Variants in CCDC62 observed in about 807,000 individuals in gnomAD.
The protein encoded by CCDC62 is coiled-coil domain-containing protein 62.
A neutral mutation model predicts 80.8 loss-of-function variants in CCDC62; 72 were observed. That is an observed-to-expected ratio of 0.89 (90% CI 0.74 to 1.08). The LOEUF (loss-of-function observed/expected upper bound fraction) is 1.08. Ranked by LOEUF, CCDC62 falls within the 50% of genes least tolerant of loss-of-function variation. The pLI is 0.00. For synonymous variants in CCDC62, 286 were observed against 296.5 expected, an observed-to-expected ratio of 0.96 and a Z score of 0.36; for missense variants, 704 against 809.4, an observed-to-expected ratio of 0.87 and a Z score of 1.58.
At chr12:122,814,021 C>A (rs990706322) in intron 11 of CCDC62, among the ~76,000 whole-genome samples, 1 of 151,650 alleles carries the variant, frequency 6.6e-6, no homozygotes, top group South Asian at 2.1e-4. Context: ...GTGGCTCATG[C>A]CTGTAATCCC....
At chr12:122,807,146 A>C (rs56765037) in intron 10 of CCDC62, among the ~76,000 whole-genome samples, 1 of 152,326 alleles carries the variant, frequency 6.6e-6, no homozygotes, top group East Asian at 1.9e-4. Context: ...AAGTGGAAGA[A>C]TTGCTTAAGC....
Position 122,827,352 on chromosome 12 carries a change from A to G in CCDC62, c.*971A>G, listed in dbSNP as rs188691888. Reference sequence around the variant, plus strand: ...TAAGCATTGCAGATATCAAAGTTCTATTGTGCTGAATAAATGCCCCTTTGT... The same window carrying G: ...TAAGCATTGCAGATATCAAAGTTCTGTTGTGCTGAATAAATGCCCCTTTGT... On this transcript the variant is annotated 3_prime_UTR_variant, in exon 13 of 13. Transcript: ENST00000253079. 4 of 152,268 alleles carry G rather than the reference A, an allele frequency of 2.6e-5. No homozygotes were observed. Among genetic ancestry groups the G allele is most frequent in the African/African-American group, 4.8e-5 (2 of 41,546 alleles). 9.4% of individuals were successfully genotyped at this position (152,268 alleles called of 1,614,324 possible). A position where few individuals can be genotyped will look rare whatever the true frequency, so the allele number is the denominator to read the frequency against.
chr12:122,820,061 C>CAAAAAAAAAAAAA (rs34620795), intron 11 of CCDC62, among the ~76,000 whole-genome samples: 1 of 58,118 alleles, frequency 1.7e-5, no homozygotes, highest in Non-Finnish European at 2.8e-5. Flanking sequence ...GATCCTGTCT[C>CAAAAAAAAAAAAA]AAAAAAAAAA....
chr12:122,787,430 G>T (rs1475708016), intron 4 of CCDC62, among the ~76,000 whole-genome samples: 1 of 140,726 alleles, frequency 7.1e-6, no homozygotes, highest in Non-Finnish European at 1.5e-5. Context: ...CAGCTTGGGC[G>T]ACAGAGCAAG....
chr12:122,806,053 CACTT>C, intron 9 of CCDC62, 94 bp from the exon 10 acceptor site: 1 of 1,108,120 alleles, frequency 9.0e-7, no homozygotes, highest in East Asian at 2.5e-5. Context: ...ATAACAAAAA[CACTT>C]ATTTGTCCTT....
At chr12:122,787,169 C>T (rs951203222) in intron 4 of CCDC62, among the ~76,000 whole-genome samples, 5 of 151,476 alleles carry the variant, frequency 3.3e-5, no homozygotes, top group South Asian at 2.1e-4. Flanking sequence ...TCCTGGAGGC[C>T]GGGTGCCGTG....
At chr12:122,806,428 C>G in intron 10 of CCDC62, 133 bp downstream of exon 10, 1 of 601,700 alleles carries the variant, frequency 1.7e-6, no homozygotes, top group Non-Finnish European at 2.7e-6. Flanking sequence ...TTTTTTAATT[C>G]TAGGATTTTA....
intron 6 of CCDC62, among the ~76,000 whole-genome samples, chr12:122,796,655 C>T (rs558831048): frequency 3.9e-5 from 6 of 151,998 alleles, no homozygotes; most frequent in Admixed American, 6.6e-5. Context: ...GCCAGGAGTT[C>T]GAGACCAACC....
Position 122,823,408 on chromosome 12 carries a change from G to A in CCDC62, c.2044G>A (p.Val682Ile), listed in dbSNP as rs964841938. The A allele has an allele frequency of 8.7e-6, 14 of 1,613,046 alleles. No individual in the cohort carries two copies. Among genetic ancestry groups the A allele is most frequent in the Non-Finnish European group, 1.1e-5 (13 of 1,179,178 alleles). The change falls in exon 12 of 13, where the codon GTC becomes ATC. Residue 682 changes from valine to isoleucine, a missense_variant. Physicochemically the swap from Val to Ile is conservative, Grantham distance 29. Transcript: ENST00000253079. The part of the protein sequence containing the change: ...PEESAQKNTF[V>I]SY ...AGAGTCAGCTCAAAAAAATACCTTTGTCAGTTATTGAAGGAAACAAAAGGC... is the reference window on the plus strand; with the variant it reads ...AGAGTCAGCTCAAAAAAATACCTTTATCAGTTATTGAAGGAAACAAAAGGC...
At chr12:122,821,217 T>C (rs973027794) in intron 11 of CCDC62, among the ~76,000 whole-genome samples, 3 of 152,194 alleles carry the variant, frequency 2.0e-5, no homozygotes, top group African/African-American at 7.2e-5. Flanking sequence ...CACTGAGGGC[T>C]CACTGGATCG....
chr12:122,810,632 A>G (rs1203059813), intron 10 of CCDC62, among the ~76,000 whole-genome samples: 2 of 152,324 alleles, frequency 1.3e-5, no homozygotes, highest in East Asian at 3.9e-4. Context: ...GGGATCTAGA[A>G]CTAGAAATAC....
chr12:122,774,715 C>G lies in CCDC62; in HGVS notation c.36+9C>G. 8.0e-7 allele frequency: 1 copy of G among 1,252,880 alleles called. No individual in the cohort carries two copies. Among genetic ancestry groups the G allele is most frequent in the South Asian group, 3.9e-5 (1 of 25,876 alleles). 77.6% of individuals were successfully genotyped at this position (1,252,880 alleles called of 1,614,324 possible). A position where few individuals can be genotyped will look rare whatever the true frequency, so the allele number is the denominator to read the frequency against. On this transcript the variant is annotated intron_variant, in intron 1 of 12. Coordinates refer to ENST00000253079, the MANE Select transcript of CCDC62 (RefSeq NM_201435.5). ...TCCTTGCCGGGCGCCAGGTAAGCAG[C>G]GGTTCCGGGCGCGGCGGGGCGCCGC...
Position 122,805,753 on chromosome 12 carries a change from G to A in CCDC62, c.1707-398G>A, listed in dbSNP as rs112785552. On this transcript the variant is annotated intron_variant, in intron 9 of 12. Transcript: ENST00000253079. ...TCTCGATTTCCTGACCTCCTGATCC[G>A]CCTGCCTCTGCCTCCCAAAGTGCTG... is the stretch of plus-strand genomic sequence containing the variant. Among the ~76,000 whole-genome samples, 258 of 151,838 alleles carry A rather than the reference G, an allele frequency of 1.7e-3. 1 individual carries two copies. Among genetic ancestry groups the A allele is most frequent in the African/African-American group, 5.9e-3 (243 of 41,422 alleles).
chr12:122,817,710 G>A (rs1413624167), intron 11 of CCDC62, among the ~76,000 whole-genome samples: 2 of 152,170 alleles, frequency 1.3e-5, no homozygotes, highest in Non-Finnish European at 2.9e-5. Flanking sequence ...CAACCTCTTT[G>A]TTAGGGTTTT....
chr12:122,780,352 G>A (rs893819253), intron 2 of CCDC62, among the ~76,000 whole-genome samples: 2 of 148,428 alleles, frequency 1.3e-5, no homozygotes, highest in African/African-American at 2.5e-5. Flanking sequence ...GGTGGCTCAC[G>A]CCTGTAATCC....
Position 122,826,678 on chromosome 12 carries a change from A to G in CCDC62, c.*297A>G, listed in dbSNP as rs941217502. 2.1e-5 allele frequency: 9 copies of G among 433,564 alleles called. No individual in the cohort carries two copies. The highest frequency in any genetic ancestry group is 3.7e-5 in the Non-Finnish European group (9 of 246,516). 26.9% of individuals were successfully genotyped at this position (433,564 alleles called of 1,614,324 possible). A position where few individuals can be genotyped will look rare whatever the true frequency, so the allele number is the denominator to read the frequency against. On this transcript the variant is annotated 3_prime_UTR_variant, in exon 13 of 13. Coordinates refer to ENST00000253079, the MANE Select transcript of CCDC62 (RefSeq NM_201435.5). ...TGGAATTATGCTAAGAATGAAAAAG[A>G]CTTCTCTGTAAAGATACGGACTACA...
At chr12:122,786,088 C>T (rs1307993051) in intron 4 of CCDC62, among the ~76,000 whole-genome samples, 1 of 152,124 alleles carries the variant, frequency 6.6e-6, no homozygotes, top group South Asian at 2.1e-4. Flanking sequence ...GTTTTCTCCC[C>T]GGGTATCCAT....
rs1448737541 is a variant in CCDC62 at position 122,777,667 on chromosome 12, T to C, written c.213T>C (p.Arg71=). Residue 71 remains arginine, a synonymous_variant, in exon 2 of 13, where the codon CGT becomes CGC. Transcript: ENST00000253079. ...AGAAAGTGTTGACACTGGAAGAACG[T>C]TGCAGCAAATTAGAAGGTCAGAAAT... ...DRQKVLTLEE[R]CSKLEGELHK... The C allele has an allele frequency of 6.2e-7, 1 of 1,613,978 alleles. No homozygotes were observed. The highest frequency in any genetic ancestry group is 8.5e-7 in the Non-Finnish European group (1 of 1,179,926).
chr12:122,799,605 G>A (rs2031170873), intron 8 of CCDC62, among the ~76,000 whole-genome samples: 1 of 152,188 alleles, frequency 6.6e-6, no homozygotes, highest in Non-Finnish European at 1.5e-5. Flanking sequence ...AATTTAACAG[G>A]CATATAACTG....
Sources: gnomAD v4.1 joint callset for allele counts (sites outside exome capture counted in the v4.1 genomes callset) on GRCh38, gnomAD v4.1.1 for gene constraint, MANE v1.5 for transcripts, NCBI Gene and HGNC (gene_info 2026-07-23, HGNC 2026-07-21) for gene names.